The following PSMD1 variants were observed in gnomAD, a reference collection of about 807,000 sequenced individuals.
PSMD1 encodes proteasome 26S subunit, non-ATPase 1.
PSMD1 carries 18 observed loss-of-function variants against 119.0 expected under a neutral mutation model. That is an observed-to-expected ratio of 0.15 (90% CI 0.10 to 0.22). The LOEUF is 0.22. Among genes scored for constraint, PSMD1 ranks in the 10% least tolerant of loss-of-function variants. The pLI is 1.00. For missense variants in PSMD1, 702 were observed against 1,158.5 expected (o/e 0.61, Z 5.72); for synonymous variants, 374 against 396.6 (o/e 0.94, Z 0.68).
chr2:231,132,351 T>A (rs1202754991), intron 16 of PSMD1, among the ~76,000 whole-genome samples: 1 of 152,224 alleles, frequency 6.6e-6, no homozygotes, highest in Non-Finnish European at 1.5e-5. Flanking sequence ...TATCCTGCCC[T>A]TGCAGCCAAG....
chr2:231,111,184 A>T (rs1168484495), intron 16 of PSMD1, among the ~76,000 whole-genome samples: 1 of 151,848 alleles, frequency 6.6e-6, no homozygotes, highest in Admixed American at 6.6e-5. Flanking sequence ...TATTTCTTGA[A>T]CTCTTTGACT....
At chr2:231,069,176 T>C (rs933473903) in intron 5 of PSMD1, among the ~76,000 whole-genome samples, 1 of 151,004 alleles carries the variant, frequency 6.6e-6, no homozygotes, top group Non-Finnish European at 1.5e-5. Flanking sequence ...AGTAAAAGAA[T>C]GAAAAATGTT....
intron 18 of PSMD1, 119 bp from the exon 19 acceptor site, chr2:231,153,445 C>T: frequency 1.3e-6 from 1 of 761,938 alleles, no homozygotes. Flanking sequence ...ATATCCCTCT[C>T]TTGAGCATTA....
chr2:231,139,764 T>C (rs1232766794), intron 17 of PSMD1, among the ~76,000 whole-genome samples: 1 of 152,172 alleles, frequency 6.6e-6, no homozygotes, highest in East Asian at 1.9e-4. Context: ...CGATGTGCTA[T>C]TTACCTGTTT....
chr2:231,075,691 C>T, intron 8 of PSMD1, 120 bp downstream of exon 8: 1 of 799,150 alleles, frequency 1.3e-6, no homozygotes, highest in South Asian at 1.9e-5. Context: ...GCTTTCCTCC[C>T]ACCTTAGCCT....
At chr2:231,065,882 CAATA>C (rs368033067) in intron 4 of PSMD1, among the ~76,000 whole-genome samples, 1 of 152,158 alleles carries the variant, frequency 6.6e-6, no homozygotes, top group African/African-American at 2.4e-5. Context: ...CACATTGAGA[CAATA>C]AATAGAGTCA....
At chr2:231,087,562 A>G (rs928037520) in intron 16 of PSMD1, among the ~76,000 whole-genome samples, 15 of 152,216 alleles carry the variant, frequency 9.9e-5, no homozygotes, top group Non-Finnish European at 1.6e-4. Flanking sequence ...AATGAAAGTG[A>G]AAGGTAATAG....
intron 16 of PSMD1, among the ~76,000 whole-genome samples, chr2:231,121,898 T>C (rs2125229864): frequency 6.6e-6 from 1 of 152,268 alleles, no homozygotes; most frequent in East Asian, 1.9e-4. Flanking sequence ...AAAGCACAGT[T>C]TGAAGAGTAT....
At chr2:231,078,330 T>C (rs1240467015) in intron 9 of PSMD1, among the ~76,000 whole-genome samples, 1 of 152,192 alleles carries the variant, frequency 6.6e-6, no homozygotes, top group African/African-American at 2.4e-5. Flanking sequence ...CTCCTCAGGT[T>C]ATCTCAACAC....
Position 231,082,999 on chromosome 2 carries a change from G to A in PSMD1, c.1525+5G>A, listed in dbSNP as rs1694350067. ...ATCAGGATGATGCAGTAACAGGTAA[G>A]CATTTCTTTCTAAAGCTAACAAGCT... is the stretch of plus-strand genomic sequence containing the variant. On this transcript the variant is annotated splice_donor_5th_base_variant and intron_variant, in intron 13 of 24. Transcript: ENST00000308696. 1.9e-6 allele frequency: 3 copies of A among 1,590,024 alleles called. No individual in the cohort carries two copies. The highest frequency in any genetic ancestry group is 1.7e-5 in the Admixed American group (1 of 59,698).
intron 16 of PSMD1, among the ~76,000 whole-genome samples, chr2:231,122,743 A>G (rs1383615075): frequency 5.3e-5 from 8 of 152,134 alleles, no homozygotes; most frequent in Non-Finnish European, 7.4e-5. Flanking sequence ...GTTTTAATCC[A>G]CTTACCAACT....
rs530121555 is a variant in PSMD1, at chr2:231,086,297, G to A, written c.1819-820G>A. ...GGGCTCAAGCAATCCTCCTGTTTTG[G>A]CCTCTCAAAAGTGCTAGGATTACAG... On this transcript the variant is annotated intron_variant, in intron 15 of 24. Coordinates refer to ENST00000308696, the MANE Select transcript of PSMD1 (RefSeq NM_002807.4). Among the ~76,000 whole-genome samples the A allele has an allele frequency of 5.9e-5, 9 of 152,234 alleles. 1 individual carries two copies. In the South Asian group the frequency reaches 1.7e-3, roughly 28 times the overall value.
chr2:231,124,382 A>T (rs1695664868), intron 16 of PSMD1, among the ~76,000 whole-genome samples: 1 of 152,158 alleles, frequency 6.6e-6, no homozygotes, highest in Non-Finnish European at 1.5e-5. Flanking sequence ...TTACTTACAG[A>T]AGAATAGAAA....
chr2:231,161,624 A>G (rs1312997712), intron 20 of PSMD1, 115 bp downstream of exon 20: 2 of 1,156,068 alleles, frequency 1.7e-6, no homozygotes. Context: ...AACATCTTAT[A>G]ATAACATTTT....
rs1693785907 is a variant in PSMD1, at chr2:231,062,581, C to T, written c.210C>T (p.His70=). The part of the protein sequence containing the change: ...AALVASKVFY[H]LGAFEESLNY... ...TAGTGGCATCTAAAGTATTTTATCACCTGGGGGCTTTTGAGGAGTCTCTGA... is the reference window on the plus strand; with the variant it reads ...TAGTGGCATCTAAAGTATTTTATCATCTGGGGGCTTTTGAGGAGTCTCTGA... Residue 70 remains histidine (H), a synonymous_variant, in exon 4 of 25, where the codon CAC becomes CAT. Transcript: ENST00000308696. 6.2e-7 allele frequency: 1 copy of T among 1,613,196 alleles called. No individual in the cohort carries two copies. Among genetic ancestry groups the T allele is most frequent in the African/African-American group, 1.3e-5 (1 of 74,946 alleles).
At chr2:231,073,125 G>C (rs1308781343) in intron 7 of PSMD1, among the ~76,000 whole-genome samples, 2 of 152,138 alleles carry the variant, frequency 1.3e-5, no homozygotes, top group Admixed American at 1.3e-4. Flanking sequence ...GGAATGACCG[G>C]TGTGTGGAGC....
chr2:231,114,907 A>G (rs572053276), intron 16 of PSMD1, among the ~76,000 whole-genome samples: 94 of 152,338 alleles, frequency 6.2e-4, no homozygotes, highest in Non-Finnish European at 1.1e-3. Flanking sequence ...GAATATTTCC[A>G]TTAGAATCCA....
In PSMD1 at chr2:231,069,219, C is replaced by G. The variant is rs534738972; in HGVS notation, c.511-806C>G. 6.6e-5 allele frequency among the ~76,000 whole-genome samples: 10 copies of G among 151,708 alleles called. No individual in the cohort carries two copies. The South Asian group carries it at 2.1e-3, about 32-fold the overall frequency. On this transcript the variant is annotated intron_variant, in intron 5 of 24. Coordinates refer to ENST00000308696, the MANE Select transcript of PSMD1 (RefSeq NM_002807.4). ...AAAAAAAGCAGAGTAACAAATGCAT[C>G]TTTCTTTGTATCCCAGTGCACATAT...
chr2:231,102,891 T>A (rs1383337176), intron 16 of PSMD1, among the ~76,000 whole-genome samples: 1 of 142,288 alleles, frequency 7.0e-6, no homozygotes, highest in African/African-American at 2.5e-5. Context: ...TGTTATAGCT[T>A]ATTTATTATA....
Sources: allele counts gnomAD v4.1 joint callset (sites outside exome capture counted in the v4.1 genomes callset), GRCh38; gene constraint gnomAD v4.1.1; transcripts MANE v1.5; gene names NCBI Gene and HGNC (gene_info 2026-07-23, HGNC 2026-07-21).